Variants in ZC3H7B observed in about 807,000 individuals in gnomAD.
ZC3H7B encodes the protein zinc finger CCCH-type containing 7B.
Under a neutral mutation model 116.0 loss-of-function variants are expected in ZC3H7B, and 35 were observed. That is an observed-to-expected ratio of 0.30 (90% CI 0.23 to 0.40). The LOEUF (loss-of-function observed/expected upper bound fraction) is 0.40. Ranked by LOEUF, ZC3H7B falls within the 10% of genes least tolerant of loss-of-function variation. The pLI is 1.00. For synonymous variants in ZC3H7B, 502 were observed against 545.6 expected, an observed-to-expected ratio of 0.92 and a Z score of 1.11; for missense variants, 1,011 against 1,321.5, an observed-to-expected ratio of 0.77 and a Z score of 3.64.
chr22:41,338,914 G>A lies in ZC3H7B; in HGVS notation c.626-87G>A. 1 of 1,348,946 alleles carries A rather than the reference G, an allele frequency of 7.4e-7. No individual in the cohort carries two copies. The highest frequency in any genetic ancestry group is 1.5e-5 in the South Asian group (1 of 65,282). The allele number at this position is 1,348,946 out of a possible 1,614,324, so 83.6% of individuals were successfully genotyped here. ...AAGAGCTGAAAGAAGAAGGGAAAGT[G>A]TTGGATGAGCATCACGGGGCCCGGG... On this transcript the variant is annotated intron_variant, in intron 8 of 22. Transcript: ENST00000352645. The surrounding 1 kb of genome is among the most constrained non-coding windows in gnomAD (Gnocchi z 4.5).
intron 14 of ZC3H7B, among the ~76,000 whole-genome samples, chr22:41,347,289 G>A (rs5758305): frequency 0.088 from 13,343 of 152,256 alleles, 1,856 homozygotes; most frequent in East Asian, 0.45. Flanking sequence ...CCCAAGCGCC[G>A]TGTCCACGGC....
At chr22:41,339,668 A>G in intron 9 of ZC3H7B, 148 bp from the exon 10 acceptor site, 1 of 675,042 alleles carries the variant, frequency 1.5e-6, no homozygotes, top group East Asian at 2.7e-5. Context: ...TCTGGCCAGA[A>G]GGGACCATAG....
At chr22:41,318,146 A>G (rs1009845987) in intron 1 of ZC3H7B, among the ~76,000 whole-genome samples, 41 of 152,156 alleles carry the variant, frequency 2.7e-4, no homozygotes, top group African/African-American at 9.4e-4. Context: ...CAAAACCTCT[A>G]TGGGCTGGGT....
At position 41,339,188 on chromosome 22, in the gene ZC3H7B, G is replaced by T. The variant is rs142365909; in HGVS notation, c.813G>T (p.Ser271=). Residue 271 remains serine (S), a synonymous_variant, in exon 9 of 23, where the codon TCG becomes TCT. Transcript: ENST00000352645. ...FGPELDTLLD[S]LSLVQGGLSG... ...CAGAGCTGGACACCCTCCTGGACTC[G>T]CTGGTGAGCCACACCACCCTCCTTG... 7 of 1,605,292 alleles carry T rather than the reference G, an allele frequency of 4.4e-6. No homozygotes were observed. The highest frequency in any genetic ancestry group is 6.0e-6 in the Non-Finnish European group (7 of 1,175,310).
Position 41,357,019 on chromosome 22 carries a change from T to G in ZC3H7B, c.2682-158T>G, listed in dbSNP as rs1163957547. Among the ~76,000 whole-genome samples the G allele has an allele frequency of 1.3e-5, 2 of 152,050 alleles. No homozygotes were observed. Among genetic ancestry groups the G allele is most frequent in the Non-Finnish European group, 2.9e-5 (2 of 67,990 alleles). ...CTTTAATTTGCAGCTGTGGGGCAGA[T>G]CCCAGAGAGGGTCAGGACACCCAGG... is the stretch of plus-strand genomic sequence containing the variant. On this transcript the variant is annotated intron_variant, in intron 22 of 22. Transcript: ENST00000352645. This position sits in a 1 kb window ranked among gnomAD's most constrained non-coding sequence, Gnocchi z 5.4.
intron 6 of ZC3H7B, among the ~76,000 whole-genome samples, chr22:41,330,991 CT>C (rs1432895434): frequency 6.8e-6 from 1 of 147,694 alleles, no homozygotes; most frequent in Non-Finnish European, 1.5e-5. Context: ...GCCTCGGCCT[CT>C]CCGAGTAGCT....
intron 1 of ZC3H7B, 88 bp from the exon 2 acceptor site, chr22:41,320,567 C>T (rs2036242407): frequency 6.9e-7 from 1 of 1,447,204 alleles, no homozygotes; most frequent in Non-Finnish European, 9.7e-7. Flanking sequence ...GGAGTGAGAG[C>T]ACCCAATCAC....
rs2036710525 is a variant in ZC3H7B at position 41,355,983 on chromosome 22, G to A, written c.2304G>A (p.Lys768=). 2 of 1,565,294 alleles carry A rather than the reference G, an allele frequency of 1.3e-6. No homozygotes were observed. Among genetic ancestry groups the A allele is most frequent in the East Asian group, 4.5e-5 (2 of 44,492 alleles). ...GCATCCATGCACAGAACGGCCGCAA[G>A]TGCCAATATGTGGGGAACTGCTCCT... The part of the protein sequence containing the change: ...DLCIHAQNGR[K]CQYVGNCSFA... Residue 768 remains lysine, a synonymous_variant, in exon 20 of 23, where the codon AAG becomes AAA. Coordinates refer to ENST00000352645, the MANE Select transcript of ZC3H7B (RefSeq NM_017590.6).
chr22:41,320,054 C>G (rs6002331), intron 1 of ZC3H7B, among the ~76,000 whole-genome samples: 5,097 of 150,350 alleles, frequency 0.034, 283 homozygotes, highest in African/African-American at 0.12. Flanking sequence ...AATGGGGGGC[C>G]GGGCATAGTG....
At chr22:41,307,400 A>T (rs1281755854) in intron 1 of ZC3H7B, among the ~76,000 whole-genome samples, 1 of 152,094 alleles carries the variant, frequency 6.6e-6, no homozygotes, top group Non-Finnish European at 1.5e-5. Flanking sequence ...GTTTCTTTGC[A>T]GGCATGTTGG....
chr22:41,302,151 G>C lies in ZC3H7B; in HGVS notation c.-7+379G>C, dbSNP rs1186278053. On this transcript the variant is annotated intron_variant, in intron 1 of 22. Transcript: ENST00000352645. The surrounding 1 kb of genome is among the most constrained non-coding windows in gnomAD (Gnocchi z 5.7). ...GCGTCCGGAGCTTCTGGGGTGTCCA[G>C]ATGCTTTGCCGACCCCGCGCAGGGG... Among the ~76,000 whole-genome samples the C allele has an allele frequency of 1.3e-5, 2 of 152,048 alleles. No individual in the cohort carries two copies. The highest frequency in any genetic ancestry group is 2.4e-5 in the African/African-American group (1 of 41,414).
rs1601801237 is a variant in ZC3H7B at position 41,357,782 on chromosome 22, G to A, written c.*353G>A. 3.2e-6 allele frequency: 1 copy of A among 309,374 alleles called. No individual in the cohort carries two copies. Among genetic ancestry groups the A allele is most frequent in the East Asian group, 6.5e-5 (1 of 15,336 alleles). 19.2% of individuals were successfully genotyped at this position (309,374 alleles called of 1,614,324 possible). A position where few individuals can be genotyped will look rare whatever the true frequency, so the allele number is the denominator to read the frequency against. On this transcript the variant is annotated 3_prime_UTR_variant, in exon 23 of 23. Coordinates refer to ENST00000352645, the MANE Select transcript of ZC3H7B (RefSeq NM_017590.6). This position sits in a 1 kb window ranked among gnomAD's most constrained non-coding sequence, Gnocchi z 5.4. ...CCAAAGCTCAGGGCTGGGGAGCCTG[G>A]GGTCCCCACTTGAATCTCCAGCAGG...
intron 7 of ZC3H7B, chr22:41,333,713 T>A (rs1342423465): frequency 6.6e-6 from 1 of 152,196 alleles, no homozygotes; most frequent in East Asian, 1.9e-4. Flanking sequence ...TGTCTAAGTT[T>A]ACCCAGTATG....
In ZC3H7B at chr22:41,356,638, C is replaced by A. The variant is rs1279972894; in HGVS notation, c.2518-7C>A. On this transcript the variant is annotated splice_region_variant and splice_polypyrimidine_tract_variant and intron_variant, in intron 21 of 22. Coordinates refer to ENST00000352645, the MANE Select transcript of ZC3H7B (RefSeq NM_017590.6). ...GGAGCAGGCACCCATGATGGCTGTGCTCCCAGATGGGCTACCACTGCTGGC... is the reference window on the plus strand; with the variant it reads ...GGAGCAGGCACCCATGATGGCTGTGATCCCAGATGGGCTACCACTGCTGGC... The A allele has an allele frequency of 6.2e-7, 1 of 1,613,244 alleles. No individual in the cohort carries two copies. The highest frequency in any genetic ancestry group is 8.5e-7 in the Non-Finnish European group (1 of 1,179,940).
chr22:41,303,509 A>G (rs1381335252), intron 1 of ZC3H7B, among the ~76,000 whole-genome samples: 2 of 152,232 alleles, frequency 1.3e-5, no homozygotes, highest in African/African-American at 4.8e-5. Context: ...TCTGAAAATA[A>G]TAATCCCTCA....
chr22:41,356,566 C>T (rs2036720965), intron 21 of ZC3H7B, 79 bp from the exon 22 acceptor site: 1 of 1,608,758 alleles, frequency 6.2e-7, no homozygotes. Flanking sequence ...GCCCAGCCGG[C>T]CAGCGCTCAG....
chr22:41,324,442 C>T (rs985954425), intron 2 of ZC3H7B, among the ~76,000 whole-genome samples: 7 of 152,346 alleles, frequency 4.6e-5, no homozygotes, highest in African/African-American at 9.6e-5. Context: ...GCCCTGCATC[C>T]GATGCCTTCC....
chr22:41,331,303 C>A (rs1195986184), intron 6 of ZC3H7B, among the ~76,000 whole-genome samples: 1 of 148,834 alleles, frequency 6.7e-6, no homozygotes, highest in Admixed American at 6.7e-5. Context: ...GTAATCCCAG[C>A]ACTTTGGGAG....
intron 13 of ZC3H7B, among the ~76,000 whole-genome samples, chr22:41,344,655 G>A (rs191052307): frequency 1.5e-3 from 227 of 152,246 alleles, no homozygotes; most frequent in African/African-American, 5.0e-3. Flanking sequence ...GTCCTTGTGC[G>A]CCAAGAGCCT....
Sources: allele counts gnomAD v4.1 joint callset (sites outside exome capture counted in the v4.1 genomes callset), GRCh38; gene constraint gnomAD v4.1.1; non-coding constraint Gnocchi (gnomAD v3.1); transcripts MANE v1.5; gene names NCBI Gene and HGNC (gene_info 2026-07-23, HGNC 2026-07-21).